SRGAP2C: variants seen among roughly 807,000 people sequenced by gnomAD.
SRGAP2C encodes the protein SLIT-ROBO Rho GTPase-activating protein 2C.
SRGAP2C carries 15 observed loss-of-function variants against 25.1 expected under a neutral mutation model. The observed-to-expected ratio is 0.60, with a 90% CI of 0.40 to 0.92. SRGAP2C has a LOEUF of 0.92. SRGAP2C is among the 40% of genes least tolerant of loss of function. The pLI, the probability that SRGAP2C is intolerant of heterozygous loss-of-function variation, is 0.00. For missense variants in SRGAP2C, 144 were observed against 264.4 expected (o/e 0.54, Z 3.16); for synonymous variants, 44 against 96.6 (o/e 0.46, Z 3.19).
chr1:121,222,498 G>A lies in SRGAP2C; in HGVS notation c.67+34985G>A, dbSNP rs1421057679. ...TTAAAAATTAGCTGGACTTGGTGGC[G>A]CCCAACTGTGGTCGCAGGTACTTGG... On this transcript the variant is annotated intron_variant, in intron 2 of 9. Transcript: ENST00000367123. Among the ~76,000 whole-genome samples the A allele has an allele frequency of 7.9e-5, 12 of 152,132 alleles. 1 individual carries two copies. The highest frequency in any genetic ancestry group is 6.3e-4 in the South Asian group (3 of 4,796).
intron 4 of SRGAP2C, among the ~76,000 whole-genome samples, chr1:121,335,837 G>T (rs1354197120): frequency 1.3e-5 from 2 of 150,714 alleles, no homozygotes. Context: ...TTTTTTACAT[G>T]CCTACTAATC....
At chr1:121,258,424 G>A (rs1305553744) in intron 2 of SRGAP2C, among the ~76,000 whole-genome samples, 2 of 143,672 alleles carry the variant, frequency 1.4e-5, no homozygotes, top group South Asian at 4.3e-4. Context: ...TATCCAAGCT[G>A]TTGGCTTTTA....
chr1:121,249,546 CTATA>C lies in SRGAP2C; in HGVS notation c.68-35225_68-35222del, dbSNP rs1181025618. ...CAAAAGGGCTTATGATGAACATGGA[CTATA>C]TATATATATATATATATATATATAT... is the stretch of plus-strand genomic sequence containing the variant. On this transcript the variant is annotated intron_variant, in intron 2 of 9. Transcript: ENST00000367123. Among the ~76,000 whole-genome samples the C allele has an allele frequency of 2.6e-3, 106 of 40,130 alleles. 2 individuals are homozygous for C. The highest frequency in any genetic ancestry group is 7.5e-3 in the East Asian group (3 of 400). 26.3% of individuals were successfully genotyped at this position (40,130 alleles called of 152,430 possible).
intron 7 of SRGAP2C, among the ~76,000 whole-genome samples, chr1:121,375,408 C>G (rs1303033194): frequency 6.9e-6 from 1 of 145,358 alleles, no homozygotes; most frequent in African/African-American, 2.6e-5. Flanking sequence ...ACTGCAACCT[C>G]CATCTCCCAG....
chr1:121,296,314 A>G (rs1237029365), intron 3 of SRGAP2C, among the ~76,000 whole-genome samples: 3 of 151,008 alleles, frequency 2.0e-5, no homozygotes, highest in Non-Finnish European at 2.9e-5. Context: ...CAATAGTAAG[A>G]GTTTAGAAGA....
chr1:121,296,489 A>G (rs1344278573), intron 3 of SRGAP2C, among the ~76,000 whole-genome samples: 1 of 66,410 alleles, frequency 1.5e-5, no homozygotes, highest in Non-Finnish European at 2.8e-5. Context: ...GAATAAGACA[A>G]TCTCCTATTT....
intron 2 of SRGAP2C, among the ~76,000 whole-genome samples, chr1:121,263,430 C>CAAAAAA (rs1182973540): frequency 3.4e-5 from 3 of 87,972 alleles, no homozygotes; most frequent in Non-Finnish European, 4.6e-5. Context: ...GACTCCGTCT[C>CAAAAAA]AAAAAAAAAA....
intron 2 of SRGAP2C, among the ~76,000 whole-genome samples, chr1:121,230,977 T>G (rs1553327461): frequency 7.7e-6 from 1 of 130,600 alleles, no homozygotes; most frequent in African/African-American, 3.0e-5. Context: ...TAAGTGGGAG[T>G]TGAACAATGA....
chr1:121,308,515 C>G (rs1657899718), intron 3 of SRGAP2C, among the ~76,000 whole-genome samples: 1 of 150,576 alleles, frequency 6.6e-6, no homozygotes, highest in African/African-American at 2.4e-5. Context: ...GTGGCTCATA[C>G]TTGTGAGCCT....
rs1407620653 is a variant in SRGAP2C, at chr1:121,288,603, T to C, written c.260+3608T>C. On this transcript the variant is annotated intron_variant, in intron 3 of 9. Coordinates refer to ENST00000367123, the MANE Select transcript of SRGAP2C (RefSeq NM_001329984.2). ...AGAGCAGCTAGATACAGAGTGTCGA[T>C]TGGTGCACTTACAAACCTTGAGCTA... Among the ~76,000 whole-genome samples the C allele has an allele frequency of 2.6e-5, 2 of 76,012 alleles. 1 individual carries two copies. Among genetic ancestry groups the C allele is most frequent in the Non-Finnish European group, 5.2e-5 (2 of 38,258 alleles). 49.9% of individuals were successfully genotyped at this position (76,012 alleles called of 152,430 possible).
intron 5 of SRGAP2C, among the ~76,000 whole-genome samples, chr1:121,366,715 C>T (rs2580456): frequency 1.3e-5 from 2 of 151,470 alleles, no homozygotes; most frequent in African/African-American, 4.9e-5. Context: ...CAGAGAATTC[C>T]CTAAGATAGA....
At chr1:121,230,745 T>C (rs587679301) in intron 2 of SRGAP2C, among the ~76,000 whole-genome samples, 11 of 151,694 alleles carry the variant, frequency 7.3e-5, no homozygotes, top group Admixed American at 6.6e-4. Flanking sequence ...CATATGTTTA[T>C]TGCAGCACTA....
chr1:121,359,523 C>T (rs1319064880), intron 4 of SRGAP2C, among the ~76,000 whole-genome samples: 2 of 152,140 alleles, frequency 1.3e-5, no homozygotes, highest in East Asian at 3.9e-4. Flanking sequence ...TTACCAGCTA[C>T]TTGGGAAGCT....
At chr1:121,359,984 TAAATGCACCAATCAGCACTCTGTAA>T (rs1553348271) in intron 4 of SRGAP2C, among the ~76,000 whole-genome samples, 1 of 151,990 alleles carries the variant, frequency 6.6e-6, no homozygotes, top group African/African-American at 2.4e-5. Context: ...TAAAGGATTG[TAAATGCACCAATCAGCACTCTGTAA>T]AAATGCACCA....
chr1:121,264,562 G>T (rs1313646311), intron 2 of SRGAP2C, among the ~76,000 whole-genome samples: 1 of 131,116 alleles, frequency 7.6e-6, no homozygotes. Context: ...CGATTATTTC[G>T]GTTCCTTGCA....
At chr1:121,335,343 AAAAT>A (rs1243682707) in intron 4 of SRGAP2C, among the ~76,000 whole-genome samples, 13,798 of 105,582 alleles carry the variant, frequency 0.13, 757 homozygotes, top group African/African-American at 0.15. Flanking sequence ...TCCATCTCAA[AAAAT>A]AAATAAATAA....
intron 5 of SRGAP2C, among the ~76,000 whole-genome samples, chr1:121,370,593 C>A (rs1570818197): frequency 6.6e-6 from 1 of 150,756 alleles, no homozygotes; most frequent in East Asian, 2.0e-4. Flanking sequence ...AGGCACCCGC[C>A]ACCACGCCCA....
intron 2 of SRGAP2C, among the ~76,000 whole-genome samples, chr1:121,204,290 T>C (rs587759651): frequency 2.0e-5 from 3 of 152,002 alleles, no homozygotes; most frequent in African/African-American, 7.2e-5. Context: ...TTAAGTTGTC[T>C]CAATTTCCTT....
chr1:121,306,808 C>T (rs1416468218), intron 3 of SRGAP2C, among the ~76,000 whole-genome samples: 1 of 152,128 alleles, frequency 6.6e-6, no homozygotes, highest in Non-Finnish European at 1.5e-5. Context: ...TACTCTGGAA[C>T]AGTGACTTTA....
Sources: allele counts gnomAD v4.1 joint callset (sites outside exome capture counted in the v4.1 genomes callset), GRCh38; gene constraint gnomAD v4.1.1; transcripts MANE v1.5; gene names NCBI Gene and HGNC (gene_info 2026-07-23, HGNC 2026-07-21).